Variants in VPS13B observed in about 807,000 individuals in gnomAD.
The protein encoded by VPS13B is vacuolar protein sorting 13 homolog B.
VPS13B carries 285 observed loss-of-function variants against 426.4 expected under a neutral mutation model. The ratio of observed to expected loss-of-function variants is 0.67; its 90% CI spans 0.61 to 0.74. VPS13B has a LOEUF of 0.74. Among genes scored for constraint, VPS13B ranks in the 30% least tolerant of loss-of-function variants. The probability of loss-of-function intolerance (pLI) is 0.00; values close to 1 mark genes in which losing one functional copy is unlikely to be tolerated. For synonymous variants in VPS13B, 1,676 were observed against 1,676.4 expected (o/e 1.00, Z 0.01); for missense variants, 4,537 against 4,782.6 (o/e 0.95, Z 1.51).
At chr8:99,081,191 C>T (rs183239247) in intron 3 of VPS13B, among the ~76,000 whole-genome samples, 69 of 152,326 alleles carry the variant, frequency 4.5e-4, no homozygotes, top group African/African-American at 1.5e-3. Context: ...CCTTACATGA[C>T]AATTTTCAGT....
At chr8:99,297,408 G>A (rs1247070849) in intron 19 of VPS13B, among the ~76,000 whole-genome samples, 1 of 152,154 alleles carries the variant, frequency 6.6e-6, no homozygotes, top group South Asian at 2.1e-4. Context: ...GTGAAATTAG[G>A]AAACTTGTCA....
intron 44 of VPS13B, among the ~76,000 whole-genome samples, chr8:99,810,355 T>C (rs1174709617): frequency 6.6e-6 from 1 of 152,206 alleles, no homozygotes; most frequent in Non-Finnish European, 1.5e-5. Context: ...AGAGCTTTTG[T>C]GGGACATGAT....
In VPS13B at chr8:99,211,696, G is replaced by T. The variant is rs575323407; in HGVS notation, c.2515+18639G>T. ...GGAGGCTGAGGCAGGAGAATCACTTGAATCTGGGAGGCGGTGGTTGCAGTG... is the reference window on the plus strand; with the variant it reads ...GGAGGCTGAGGCAGGAGAATCACTTTAATCTGGGAGGCGGTGGTTGCAGTG... On this transcript the variant is annotated intron_variant, in intron 17 of 61. Transcript: ENST00000357162. Among the ~76,000 whole-genome samples the T allele has an allele frequency of 2.6e-5, 4 of 152,132 alleles. No homozygotes were observed. The South Asian group carries it at 8.3e-4, about 32-fold the overall frequency.
At chr8:99,039,376 C>A (rs1842877723) in intron 3 of VPS13B, among the ~76,000 whole-genome samples, 1 of 151,994 alleles carries the variant, frequency 6.6e-6, no homozygotes, top group Non-Finnish European at 1.5e-5. Context: ...ACCCATCTTA[C>A]ATTTCTTGCT....
intron 17 of VPS13B, among the ~76,000 whole-genome samples, chr8:99,254,780 T>G (rs1817665292): frequency 6.6e-6 from 1 of 151,968 alleles, no homozygotes; most frequent in South Asian, 2.1e-4. Flanking sequence ...GTAGCTGGGA[T>G]GACAGGCACC....
At chr8:99,127,095 C>CA (rs1461801524) in intron 8 of VPS13B, among the ~76,000 whole-genome samples, 13 of 138,688 alleles carry the variant, frequency 9.4e-5, no homozygotes, top group East Asian at 2.1e-4. Context: ...GACCTTGTCT[C>CA]AAAAAAAAGA....
intron 36 of VPS13B, among the ~76,000 whole-genome samples, chr8:99,716,725 G>C (rs1832938187): frequency 6.6e-6 from 1 of 152,008 alleles, no homozygotes; most frequent in Admixed American, 6.6e-5. Flanking sequence ...TGATTGTTTT[G>C]AATTTTAACA....
At chr8:99,646,392 G>T (rs553635776) in intron 34 of VPS13B, among the ~76,000 whole-genome samples, 2 of 152,074 alleles carry the variant, frequency 1.3e-5, no homozygotes, top group Non-Finnish European at 2.9e-5. Flanking sequence ...AGTTGCAGTG[G>T]CATGCACCTG....
intron 13 of VPS13B, 60 bp from the exon 14 acceptor site, chr8:99,147,781 G>GT: frequency 8.7e-7 from 1 of 1,149,170 alleles, no homozygotes; most frequent in Non-Finnish European, 1.1e-6. Context: ...TCATTTTTCA[G>GT]TTGTTTAAGA....
intron 30 of VPS13B, chr8:99,536,813 C>T (rs1325672064): frequency 5.8e-6 from 3 of 519,784 alleles, no homozygotes; most frequent in South Asian, 1.4e-5. Flanking sequence ...CTCAGTGTTT[C>T]CAGGTGATTT....
At chr8:99,780,584 T>C (rs985685823) in intron 42 of VPS13B, among the ~76,000 whole-genome samples, 2 of 152,192 alleles carry the variant, frequency 1.3e-5, no homozygotes, top group East Asian at 3.8e-4. Flanking sequence ...TTTGATTAAG[T>C]AGAGCCATAT....
At chr8:99,453,886 T>G (rs1286359082) in intron 23 of VPS13B, among the ~76,000 whole-genome samples, 1 of 152,164 alleles carries the variant, frequency 6.6e-6, no homozygotes, top group Non-Finnish European at 1.5e-5. Flanking sequence ...ACCCAAAATC[T>G]GCAGTTTACT....
At chr8:99,100,037 G>A (rs1393489907) in intron 4 of VPS13B, among the ~76,000 whole-genome samples, 1 of 152,116 alleles carries the variant, frequency 6.6e-6, no homozygotes, top group East Asian at 1.9e-4. Flanking sequence ...GGAGTGATGA[G>A]AGCTATTAGA....
intron 16 of VPS13B, among the ~76,000 whole-genome samples, chr8:99,183,339 A>G (rs1813049293): frequency 6.6e-6 from 1 of 152,134 alleles, no homozygotes; most frequent in Admixed American, 6.5e-5. Context: ...TTTTTTTTGA[A>G]GAATTTTTTC....
At chr8:99,469,877 A>G (rs867265482) in intron 24 of VPS13B, among the ~76,000 whole-genome samples, 65 of 152,180 alleles carry the variant, frequency 4.3e-4, no homozygotes, top group African/African-American at 1.5e-3. Context: ...AAAGATACAC[A>G]TGGAGATTGT....
chr8:99,117,233 A>G (rs377763952), intron 7 of VPS13B, among the ~76,000 whole-genome samples: 76 of 152,284 alleles, frequency 5.0e-4, no homozygotes, highest in African/African-American at 1.8e-3. Flanking sequence ...GCAAATCAAA[A>G]CCTCAGTGAG....
At chr8:99,368,862 G>A (rs1383552438) in intron 19 of VPS13B, among the ~76,000 whole-genome samples, 1 of 152,130 alleles carries the variant, frequency 6.6e-6, no homozygotes, top group Non-Finnish European at 1.5e-5. Flanking sequence ...GGGCATTCAT[G>A]ATCTAGCCAT....
intron 34 of VPS13B, among the ~76,000 whole-genome samples, chr8:99,646,133 A>G (rs969216617): frequency 2.6e-5 from 4 of 152,242 alleles, no homozygotes; most frequent in African/African-American, 9.6e-5. Context: ...AGAAAGGTCC[A>G]GGAAAAGTTA....
chr8:99,770,114 A>T (rs1431692588), intron 40 of VPS13B, among the ~76,000 whole-genome samples: 1 of 152,136 alleles, frequency 6.6e-6, no homozygotes, highest in Non-Finnish European at 1.5e-5. Flanking sequence ...AGCCAAGATC[A>T]CACCACTGCA....
Sources: gnomAD v4.1 joint callset for allele counts (sites outside exome capture counted in the v4.1 genomes callset) on GRCh38, gnomAD v4.1.1 for gene constraint, MANE v1.5 for transcripts, NCBI Gene and HGNC (gene_info 2026-07-23, HGNC 2026-07-21) for gene names.